ADGRG5: variants seen among roughly 807,000 people sequenced by gnomAD.
ADGRG5 encodes G protein-coupled receptor 114.
A neutral mutation model predicts 53.2 loss-of-function variants in ADGRG5; 37 were observed. The ratio of observed to expected loss-of-function variants is 0.70; its 90% CI spans 0.53 to 0.91. ADGRG5 has a LOEUF of 0.91. ADGRG5 is among the 40% of genes least tolerant of loss of function. The pLI, the probability that ADGRG5 is intolerant of heterozygous loss-of-function variation, is 0.00. For missense variants in ADGRG5, 614 were observed against 675.8 expected, an observed-to-expected ratio of 0.91 and a Z score of 1.01; for synonymous variants, 277 against 290.4, an observed-to-expected ratio of 0.95 and a Z score of 0.47.
At chr16:57,568,199 T>G in intron 9 of ADGRG5, 75 bp downstream of exon 9, 1 of 1,460,270 alleles carries the variant, frequency 6.8e-7, no homozygotes. Context: ...GTCCTTTCTT[T>G]CCCCTCCTCC....
the ADGRG5 span, chr16:57,536,699 C>T: frequency 1.3e-5 from 2 of 152,202 alleles, no homozygotes; most frequent in South Asian, 4.1e-4. Context: ...GACCCCGGCC[C>T]ACCGAGCTGC....
chr16:57,529,514 T>A, the ADGRG5 span, among the ~76,000 whole-genome samples: 2 of 152,224 alleles, frequency 1.3e-5, no homozygotes, highest in Admixed American at 6.5e-5. This position sits in a 1 kb window ranked among gnomAD's most constrained non-coding sequence, Gnocchi z 4.1. Context: ...CTCGACTCCC[T>A]GCTCCAATCC....
intron 1 of ADGRG5, among the ~76,000 whole-genome samples, chr16:57,545,293 C>T (rs2032590258): frequency 6.6e-6 from 1 of 152,162 alleles, no homozygotes; most frequent in Admixed American, 6.5e-5. Flanking sequence ...GGATTTATAT[C>T]TCCCAGTGCA....
chr16:57,541,212 A>G (rs1197579749), upstream of ADGRG5, among the ~76,000 whole-genome samples: 2 of 152,222 alleles, frequency 1.3e-5, no homozygotes, highest in Non-Finnish European at 2.9e-5. Flanking sequence ...AGGCTGGTAC[A>G]GACCCAGGCT....
chr16:57,539,555 C>T (rs564354653), upstream of ADGRG5, among the ~76,000 whole-genome samples: 13 of 149,956 alleles, frequency 8.7e-5, no homozygotes, highest in South Asian at 2.3e-3. Flanking sequence ...TGGGCTCAAG[C>T]GGTCCTCCCA....
At chr16:57,558,566 T>C (rs1431573486) in intron 1 of ADGRG5, among the ~76,000 whole-genome samples, 1 of 152,252 alleles carries the variant, frequency 6.6e-6, no homozygotes, top group African/African-American at 2.4e-5. Flanking sequence ...TAGACAGTCT[T>C]GAGCCCCAGG....
At chr16:57,542,893 A>T (rs975121341) in intron 1 of ADGRG5, 192 bp downstream of exon 1, 8 of 152,204 alleles carry the variant, frequency 5.3e-5, no homozygotes, top group African/African-American at 1.7e-4. Context: ...CAATGTAGAG[A>T]TCTGTGCTTT....
intron 1 of ADGRG5, among the ~76,000 whole-genome samples, chr16:57,544,390 G>C (rs1453674065): frequency 6.6e-6 from 1 of 152,138 alleles, no homozygotes; most frequent in Non-Finnish European, 1.5e-5. Flanking sequence ...GGGATGTGGA[G>C]GGGAATTTGG....
intron 5 of ADGRG5, among the ~76,000 whole-genome samples, chr16:57,564,720 G>A (rs1458054971): frequency 6.6e-6 from 1 of 152,154 alleles, no homozygotes; most frequent in Non-Finnish European, 1.5e-5. Flanking sequence ...GAGTTTCTGG[G>A]GAAGGTGCCT....
At chr16:57,575,158 C>A in intron 11 of ADGRG5, 66 bp downstream of exon 11, 1 of 1,530,028 alleles carries the variant, frequency 6.5e-7, no homozygotes, top group Non-Finnish European at 8.8e-7. Flanking sequence ...GGGATGTTCA[C>A]TGCTAAAGGG....
At chr16:57,554,630 C>A (rs1596780201) in intron 1 of ADGRG5, among the ~76,000 whole-genome samples, 1 of 152,316 alleles carries the variant, frequency 6.6e-6, no homozygotes, top group South Asian at 2.1e-4. Context: ...CCCACCTTGG[C>A]CTCCCAAAGT....
Position 57,563,363 on chromosome 16 carries a change from C to T in ADGRG5, c.297+116C>T, listed in dbSNP as rs2033051646. 2.3e-5 allele frequency: 20 copies of T among 871,406 alleles called. No homozygotes were observed. In the South Asian group the frequency reaches 2.7e-4, roughly 12 times the overall value. The allele number at this position is 871,406 out of a possible 1,614,324, so 54.0% of individuals were successfully genotyped here. ...TGTCTTCCTCCCCACACCCCACAGT[C>T]CAGGCTCTGCCCTAACTGGCAGTGA... On this transcript the variant is annotated intron_variant, in intron 4 of 11. Transcript: ENST00000349457.
chr16:57,548,272 T>G (rs951530584), intron 1 of ADGRG5, among the ~76,000 whole-genome samples: 1 of 151,706 alleles, frequency 6.6e-6, no homozygotes, highest in Admixed American at 6.6e-5. Flanking sequence ...AAATTATAAA[T>G]GCACAGAAGG....
chr16:57,550,269 C>T (rs2032716328), intron 1 of ADGRG5, among the ~76,000 whole-genome samples: 1 of 152,158 alleles, frequency 6.6e-6, no homozygotes, highest in Non-Finnish European at 1.5e-5. Flanking sequence ...TGAGCCACCG[C>T]GCCCGGCCCA....
intron 1 of ADGRG5, among the ~76,000 whole-genome samples, chr16:57,552,326 T>G (rs1238342915): frequency 6.6e-6 from 1 of 152,156 alleles, no homozygotes; most frequent in Non-Finnish European, 1.5e-5. Flanking sequence ...TGGCATCCGC[T>G]TCCAATATGA....
chr16:57,531,266 G>A, the ADGRG5 span, among the ~76,000 whole-genome samples: 1 of 149,268 alleles, frequency 6.7e-6, no homozygotes, highest in South Asian at 2.2e-4. Flanking sequence ...GCTCCTCCGA[G>A]AGAAGGCACT....
Position 57,575,564 on chromosome 16 carries a change from C to T in ADGRG5, c.*26C>T. 2 of 1,579,982 alleles carry T rather than the reference C, an allele frequency of 1.3e-6. No individual in the cohort carries two copies. The highest frequency in any genetic ancestry group is 4.5e-5 in the East Asian group (2 of 44,702). ...TCCGGGCCTCCTGGCCTGGAATCCT[C>T]AGCCTCTCTGGCCGCCAGTAGCCTG... is the stretch of plus-strand genomic sequence containing the variant. On this transcript the variant is annotated 3_prime_UTR_variant, in exon 12 of 12. Transcript: ENST00000349457.
At chr16:57,568,190 T>G in intron 9 of ADGRG5, 66 bp downstream of exon 9, 1 of 1,515,570 alleles carries the variant, frequency 6.6e-7, no homozygotes, top group Non-Finnish European at 9.1e-7. Context: ...TCCCCTTTAG[T>G]CCTTTCTTTC....
intron 1 of ADGRG5, among the ~76,000 whole-genome samples, chr16:57,561,421 TC>T (rs2032997974): frequency 6.6e-6 from 1 of 152,212 alleles, no homozygotes; most frequent in African/African-American, 2.4e-5. Flanking sequence ...CATGATTTAC[TC>T]TCTCATTTTG....
Sources: gnomAD v4.1 joint callset for allele counts (sites outside exome capture counted in the v4.1 genomes callset) on GRCh38, gnomAD v4.1.1 for gene constraint, Gnocchi (gnomAD v3.1) non-coding constraint, MANE v1.5 for transcripts, NCBI Gene and HGNC (gene_info 2026-07-23, HGNC 2026-07-21) for gene names.